The following SGCG variants were observed in gnomAD, a reference collection of about 807,000 sequenced individuals.
SGCG encodes gamma-sarcoglycan.
SGCG carries 26 observed loss-of-function variants against 29.3 expected under a neutral mutation model. That is an observed-to-expected ratio of 0.89 (90% confidence interval 0.65 to 1.23). The LOEUF is 1.23. Among genes scored for constraint, SGCG ranks in the 50% most tolerant of loss-of-function variants. The probability of loss-of-function intolerance (pLI) is 0.00; values close to 1 mark genes in which losing one functional copy is unlikely to be tolerated. For synonymous variants in SGCG, 145 were observed against 129.7 expected (o/e 1.12, Z -0.80); for missense variants, 353 against 356.0 (o/e 0.99, Z 0.07).
chr13:23,174,951 G>A, the SGCG span, among the ~76,000 whole-genome samples: 9 of 152,216 alleles, frequency 5.9e-5, no homozygotes, highest in South Asian at 2.1e-4. Flanking sequence ...CGAGAGCGGC[G>A]TGCACCATGG....
At chr13:23,307,556 C>T (rs561245332) in intron 6 of SGCG, among the ~76,000 whole-genome samples, 1 of 151,982 alleles carries the variant, frequency 6.6e-6, no homozygotes, top group Admixed American at 6.5e-5. Flanking sequence ...AGAACTATGC[C>T]CTGTTATGCA....
At chr13:23,293,556 G>A (rs896947588) in intron 5 of SGCG, among the ~76,000 whole-genome samples, 4 of 152,178 alleles carry the variant, frequency 2.6e-5, no homozygotes, top group Non-Finnish European at 4.4e-5. Context: ...CTGGCTGGGC[G>A]CGGTGGCTCA....
chr13:23,206,840 C>T (rs1368878156), intron 2 of SGCG, among the ~76,000 whole-genome samples: 1 of 152,138 alleles, frequency 6.6e-6, no homozygotes, highest in Non-Finnish European at 1.5e-5. Context: ...GAGAAGACCT[C>T]CCATGTTCAT....
intron 5 of SGCG, among the ~76,000 whole-genome samples, chr13:23,288,241 C>T (rs1881575286): frequency 6.6e-6 from 1 of 152,114 alleles, no homozygotes; most frequent in Non-Finnish European, 1.5e-5. Flanking sequence ...GGAAAAGAGA[C>T]GGGCAGCCTC....
At chr13:23,260,099 T>C (rs980058899) in intron 4 of SGCG, among the ~76,000 whole-genome samples, 1 of 152,176 alleles carries the variant, frequency 6.6e-6, no homozygotes, top group African/African-American at 2.4e-5. Context: ...TGGATATCCT[T>C]GTTAACCTTC....
chr13:23,306,105 T>G (rs1882351925), intron 6 of SGCG, among the ~76,000 whole-genome samples: 1 of 152,088 alleles, frequency 6.6e-6, no homozygotes, highest in Non-Finnish European at 1.5e-5. Flanking sequence ...CCTCAAGTGA[T>G]CCTCCCACCT....
intron 6 of SGCG, among the ~76,000 whole-genome samples, chr13:23,310,446 A>G (rs1239618693): frequency 6.6e-6 from 1 of 152,094 alleles, no homozygotes; most frequent in Non-Finnish European, 1.5e-5. Context: ...GTCTGGTATT[A>G]CAATTGCTAT....
intron 3 of SGCG, 147 bp downstream of exon 3, chr13:23,234,859 T>C (rs1258015816): frequency 3.2e-6 from 2 of 634,570 alleles, no homozygotes. Flanking sequence ...AGCTTGACTA[T>C]TGCAGAATTT....
In SGCG at chr13:23,224,222, G is replaced by A. The variant is rs115707786; in HGVS notation, c.196-10389G>A. On this transcript the variant is annotated intron_variant, in intron 2 of 7. Coordinates refer to ENST00000218867, the MANE Select transcript of SGCG (RefSeq NM_000231.3). ...TGATTTTGTTGTAATTACAAAACCCGAAAACCCCAATATTTTCTGAGGTTT... is the reference window on the plus strand; with the variant it reads ...TGATTTTGTTGTAATTACAAAACCCAAAAACCCCAATATTTTCTGAGGTTT... Among the ~76,000 whole-genome samples, 390 of 152,190 alleles carry A rather than the reference G, an allele frequency of 2.6e-3. 3 individuals carry two copies. The highest frequency in any genetic ancestry group is 7.9e-3 in the African/African-American group (328 of 41,518).
At chr13:23,172,092 C>A in the SGCG span, among the ~76,000 whole-genome samples, 1 of 152,202 alleles carries the variant, frequency 6.6e-6, no homozygotes, top group African/African-American at 2.4e-5. Context: ...CCTGGATTAA[C>A]CTCTCCTTAC....
At chr13:23,183,677 A>T (rs960536597) in intron 1 of SGCG, among the ~76,000 whole-genome samples, 2 of 151,002 alleles carry the variant, frequency 1.3e-5, no homozygotes, top group Non-Finnish European at 3.0e-5. Context: ...CTTTATTTTT[A>T]TTTTTTTTTG....
chr13:23,189,194 T>C (rs1308837034), intron 1 of SGCG, among the ~76,000 whole-genome samples: 2 of 152,180 alleles, frequency 1.3e-5, no homozygotes, highest in Non-Finnish European at 2.9e-5. Context: ...AATGACCGTT[T>C]GGTGGTTCCA....
At chr13:23,239,139 G>T (rs554770398) in intron 3 of SGCG, among the ~76,000 whole-genome samples, 2 of 151,650 alleles carry the variant, frequency 1.3e-5, no homozygotes, top group Non-Finnish European at 2.9e-5. Context: ...CCAAACAAAA[G>T]AAACAAGGAA....
intron 2 of SGCG, among the ~76,000 whole-genome samples, chr13:23,210,439 C>T (rs1017504775): frequency 2.0e-5 from 3 of 152,026 alleles, no homozygotes; most frequent in Non-Finnish European, 2.9e-5. Context: ...TTCCTGTAAT[C>T]CCAGCACTTT....
intron 6 of SGCG, among the ~76,000 whole-genome samples, chr13:23,320,052 TA>T (rs753779979): frequency 5.9e-5 from 9 of 152,306 alleles, no homozygotes; most frequent in Admixed American, 2.0e-4. Flanking sequence ...TAAATAATAA[TA>T]AAGAAAAGAC....
At chr13:23,261,167 G>A (rs2137586433) in intron 4 of SGCG, among the ~76,000 whole-genome samples, 1 of 152,018 alleles carries the variant, frequency 6.6e-6, no homozygotes, top group South Asian at 2.1e-4. Flanking sequence ...TCACTTTCAG[G>A]TACACCAATC....
At chr13:23,234,844 TA>T in intron 3 of SGCG, 132 bp downstream of exon 3, 1 of 670,848 alleles carries the variant, frequency 1.5e-6, no homozygotes, top group African/African-American at 1.8e-5. Context: ...ATGCTCTTTA[TA>T]AAAAGCTTGA....
At chr13:23,252,466 T>C (rs1481547921) in intron 4 of SGCG, among the ~76,000 whole-genome samples, 2 of 151,778 alleles carry the variant, frequency 1.3e-5, no homozygotes, top group Non-Finnish European at 2.9e-5. Flanking sequence ...CCGAGGTGGG[T>C]GGATCATGAG....
chr13:23,165,095 A>G, the SGCG span, among the ~76,000 whole-genome samples: 1 of 152,202 alleles, frequency 6.6e-6, no homozygotes, highest in Non-Finnish European at 1.5e-5. Context: ...TCTGAGAGAG[A>G]TGGCAGCTAC....
Sources: gnomAD v4.1 joint callset for allele counts (sites outside exome capture counted in the v4.1 genomes callset) on GRCh38, gnomAD v4.1.1 for gene constraint, MANE v1.5 for transcripts, NCBI Gene and HGNC (gene_info 2026-07-23, HGNC 2026-07-21) for gene names.